Variants in RANBP2 observed in about 807,000 individuals in gnomAD.
RANBP2 encodes the protein E3 SUMO-protein ligase RanBP2.
Under a neutral mutation model 303.6 loss-of-function variants are expected in RANBP2, and 57 were observed. The observed-to-expected ratio is 0.19, with a 90% confidence interval of 0.15 to 0.23. The LOEUF is 0.23. Among genes scored for constraint, RANBP2 ranks in the 10% least tolerant of loss-of-function variants. The pLI, the probability that RANBP2 is intolerant of heterozygous loss-of-function variation, is 1.00. For missense variants in RANBP2, 3,138 were observed against 3,780.8 expected, an observed-to-expected ratio of 0.83 and a Z score of 4.46; for synonymous variants, 1,167 against 1,301.5, an observed-to-expected ratio of 0.90 and a Z score of 2.23.
chr2:109,477,061 A>G, the RANBP2 span, among the ~76,000 whole-genome samples: 2,469 of 152,206 alleles, frequency 0.016, 68 homozygotes, highest in African/African-American at 0.057. Flanking sequence ...AGAATGCCTT[A>G]ACTGTCTGGG....
chr2:109,304,167 G>C, the RANBP2 span, among the ~76,000 whole-genome samples: 2 of 151,806 alleles, frequency 1.3e-5, no homozygotes, highest in African/African-American at 4.8e-5. Context: ...TTGTTAGCTG[G>C]AGTCACACTG....
At chr2:109,542,726 C>T in the RANBP2 span, among the ~76,000 whole-genome samples, 1 of 152,158 alleles carries the variant, frequency 6.6e-6, no homozygotes, top group East Asian at 1.9e-4. Context: ...ATTTAATTTA[C>T]TGAAGTTTTA....
the RANBP2 span, chr2:109,128,332 C>T: frequency 7.9e-5 from 12 of 152,176 alleles, no homozygotes; most frequent in African/African-American, 2.9e-4. Context: ...AAAATTGGAG[C>T]GGGGGTTCAC....
the RANBP2 span, among the ~76,000 whole-genome samples, chr2:109,305,111 G>C: frequency 3.9e-5 from 6 of 152,176 alleles, no homozygotes; most frequent in Non-Finnish European, 7.4e-5. Context: ...AGAGACTTCT[G>C]ATTATTCTGA....
At chr2:109,720,294 C>CACAT in the RANBP2 span, among the ~76,000 whole-genome samples, 1 of 150,910 alleles carries the variant, frequency 6.6e-6, no homozygotes, top group East Asian at 1.9e-4. Context: ...CACACACACA[C>CACAT]ATATATATAT....
intron 15 of RANBP2, among the ~76,000 whole-genome samples, chr2:108,754,286 ATTC>A (rs1676131585): frequency 6.6e-6 from 1 of 151,446 alleles, no homozygotes; most frequent in Non-Finnish European, 1.5e-5. Flanking sequence ...CTCAGGACTA[ATTC>A]TTAATGAACT....
At chr2:109,706,988 G>A in the RANBP2 span, among the ~76,000 whole-genome samples, 3 of 152,200 alleles carry the variant, frequency 2.0e-5, no homozygotes, top group Non-Finnish European at 4.4e-5. Context: ...GGAGAGGGAA[G>A]ACCCACCAGC....
the RANBP2 span, among the ~76,000 whole-genome samples, chr2:109,232,728 AGG>A: frequency 2.6e-5 from 4 of 152,246 alleles, no homozygotes; most frequent in Admixed American, 2.6e-4. Flanking sequence ...TGATGGAACC[AGG>A]AGCTCTATGA....
chr2:108,873,857 G>C, the RANBP2 span, among the ~76,000 whole-genome samples: 1 of 152,054 alleles, frequency 6.6e-6, no homozygotes, highest in East Asian at 1.9e-4. Flanking sequence ...GCTGCAGGTT[G>C]GACAAGCTTG....
chr2:109,044,670 G>A, the RANBP2 span, among the ~76,000 whole-genome samples: 1 of 152,038 alleles, frequency 6.6e-6, no homozygotes, highest in East Asian at 1.9e-4. Flanking sequence ...AACTAATAGG[G>A]TTTACTGTGC....
chr2:109,021,626 C>T, the RANBP2 span, among the ~76,000 whole-genome samples: 4 of 151,150 alleles, frequency 2.6e-5, no homozygotes, highest in African/African-American at 9.7e-5. Flanking sequence ...GGGGAGAAGA[C>T]GGCTGGCAGG....
the RANBP2 span, among the ~76,000 whole-genome samples, chr2:109,493,352 A>G: frequency 3.5e-5 from 3 of 84,620 alleles, no homozygotes; most frequent in Non-Finnish European, 7.7e-5. Flanking sequence ...TACGTCATAC[A>G]AACAGACACA....
At chr2:109,309,324 G>A in the RANBP2 span, among the ~76,000 whole-genome samples, 1 of 150,498 alleles carries the variant, frequency 6.6e-6, no homozygotes, top group Non-Finnish European at 1.5e-5. Context: ...GAGATTTTGG[G>A]CTGAGACAAA....
At chr2:109,719,097 C>CTTT in the RANBP2 span, among the ~76,000 whole-genome samples, 13 of 121,024 alleles carry the variant, frequency 1.1e-4, no homozygotes, top group East Asian at 2.5e-4. Context: ...TGAATTATAT[C>CTTT]TTTTTTTTTT....
chr2:109,066,804 G>A, the RANBP2 span, among the ~76,000 whole-genome samples: 1 of 152,198 alleles, frequency 6.6e-6, no homozygotes, highest in Middle Eastern at 3.4e-3. Flanking sequence ...TGACAGAGCC[G>A]AGCGGTAAAG....
intron 1 of RANBP2, among the ~76,000 whole-genome samples, chr2:108,724,330 T>C (rs1424680425): frequency 6.6e-6 from 1 of 152,094 alleles, no homozygotes; most frequent in Admixed American, 6.5e-5. Flanking sequence ...CCCGGCTAAT[T>C]TTTTCTATTT....
chr2:108,985,388 G>A, the RANBP2 span, among the ~76,000 whole-genome samples: 16 of 152,368 alleles, frequency 1.1e-4, no homozygotes, highest in South Asian at 2.1e-4. Context: ...CTGATTGACC[G>A]TGAAGTGAGT....
chr2:108,948,265 T>C, the RANBP2 span, among the ~76,000 whole-genome samples: 1 of 152,232 alleles, frequency 6.6e-6, no homozygotes, highest in African/African-American at 2.4e-5. Context: ...CATATCACTA[T>C]TGGCATTTTG....
the RANBP2 span, among the ~76,000 whole-genome samples, chr2:109,109,919 G>A: frequency 8.6e-5 from 13 of 152,024 alleles, no homozygotes; most frequent in African/African-American, 2.9e-4. Context: ...AATTGAGCAC[G>A]CACCCCCCAC....
Sources: gnomAD v4.1 joint callset for allele counts (sites outside exome capture counted in the v4.1 genomes callset) on GRCh38, gnomAD v4.1.1 for gene constraint, MANE v1.5 for transcripts, NCBI Gene and HGNC (gene_info 2026-07-23, HGNC 2026-07-21) for gene names.